The following COL25A1 variants were observed in gnomAD, a reference collection of about 807,000 sequenced individuals.
The protein encoded by COL25A1 is collagen type XXV alpha 1 chain, also known as collagen alpha-1(XXV) chain.
Under a neutral mutation model 128.4 loss-of-function variants are expected in COL25A1, and 103 were observed. The ratio of observed to expected loss-of-function variants is 0.80; its 90% CI spans 0.68 to 0.94. The LOEUF (loss-of-function observed/expected upper bound fraction) is 0.94, where lower values mean the gene tolerates loss of function less well. Among genes scored for constraint, COL25A1 ranks in the 40% least tolerant of loss-of-function variants. The probability of loss-of-function intolerance (pLI) is 0.00; values close to 1 mark genes in which losing one functional copy is unlikely to be tolerated. For missense variants in COL25A1, 745 were observed against 840.0 expected (o/e 0.89, Z 1.40); for synonymous variants, 279 against 277.2 (o/e 1.01, Z -0.06).
chr4:108,951,439 G>A (rs984692348), intron 8 of COL25A1, among the ~76,000 whole-genome samples: 2 of 149,280 alleles, frequency 1.3e-5, no homozygotes, highest in Non-Finnish European at 3.0e-5. Flanking sequence ...AGGCTGGAGT[G>A]CAGTGGTGCT....
At position 108,859,702 on chromosome 4, in the gene COL25A1, G is replaced by T; in HGVS notation, c.1274C>A (p.Ala425Asp). The T allele has an allele frequency of 6.2e-7, 1 of 1,613,892 alleles. No individual in the cohort carries two copies. Among genetic ancestry groups the T allele is most frequent in the South Asian group, 1.1e-5 (1 of 91,082 alleles). The change falls in exon 24 of 38, where the codon GCC (alanine) becomes GAC (aspartate). Residue 425 changes from alanine (A) to aspartate (D), a missense_variant. By Grantham distance (126) the Ala-to-Asp change is moderately radical. Around this residue, in one of 3 missense-constraint regions of COL25A1, gnomAD observed 387 missense variants for 441.9 expected, o/e 0.88. Transcript: ENST00000399132. ...GCCGTTGTAGTCTATGATCTCAGTG[G>T]CTCCTTGATCCCCTTTTTGACCAGG... ...GPPGQKGDQGATEIIDYNGNL... is the reference protein window; with the variant it reads ...GPPGQKGDQGDTEIIDYNGNL...
At chr4:109,020,593 G>C (rs77463595) in intron 5 of COL25A1, among the ~76,000 whole-genome samples, 21 of 150,874 alleles carry the variant, frequency 1.4e-4, no homozygotes, top group Admixed American at 4.6e-4. Flanking sequence ...ATATATAATT[G>C]TACTTAAAAA....
intron 3 of COL25A1, among the ~76,000 whole-genome samples, chr4:109,137,804 C>T (rs1393824337): frequency 2.6e-5 from 4 of 151,984 alleles, no homozygotes; most frequent in African/African-American, 9.7e-5. Context: ...GGTATAATTC[C>T]TCATCAGGTT....
At chr4:109,256,052 A>G (rs1293269309) in intron 3 of COL25A1, among the ~76,000 whole-genome samples, 3 of 149,870 alleles carry the variant, frequency 2.0e-5, no homozygotes, top group African/African-American at 7.6e-5. Context: ...CCACATGGAG[A>G]AACTACATGT....
At chr4:108,984,874 C>T (rs1419303370) in intron 6 of COL25A1, among the ~76,000 whole-genome samples, 2 of 152,232 alleles carry the variant, frequency 1.3e-5, no homozygotes, top group Non-Finnish European at 2.9e-5. Context: ...GCGCCAAGAG[C>T]CAGCGACGGC....
intron 6 of COL25A1, among the ~76,000 whole-genome samples, chr4:108,994,386 T>A (rs1754538703): frequency 6.6e-6 from 1 of 152,210 alleles, no homozygotes; most frequent in Non-Finnish European, 1.5e-5. Context: ...CCTGCGAGGC[T>A]GCAGCTTGAT....
intron 6 of COL25A1, among the ~76,000 whole-genome samples, chr4:108,996,863 C>G (rs976143618): frequency 2.0e-5 from 3 of 152,180 alleles, no homozygotes; most frequent in Admixed American, 1.3e-4. Context: ...GAACAACCTG[C>G]TCCTGAATGA....
chr4:109,221,122 G>T (rs1778380367), intron 3 of COL25A1, among the ~76,000 whole-genome samples: 1 of 128,416 alleles, frequency 7.8e-6, no homozygotes, highest in South Asian at 2.2e-4. Context: ...AAGATATTAA[G>T]TACTAAATTA....
Position 108,918,152 on chromosome 4 carries a change from C to A in COL25A1, c.780+20G>T. 6.6e-7 allele frequency: 1 copy of A among 1,521,962 alleles called. No individual in the cohort carries two copies. Among genetic ancestry groups the A allele is most frequent in the Non-Finnish European group, 9.0e-7 (1 of 1,116,528 alleles). The allele number at this position is 1,521,962 out of a possible 1,614,324, so 94.3% of individuals were successfully genotyped here. A position where few individuals can be genotyped will look rare whatever the true frequency, so the allele number is the denominator to read the frequency against. On this transcript the variant is annotated intron_variant, in intron 13 of 37. Coordinates refer to ENST00000399132, the MANE Select transcript of COL25A1 (RefSeq NM_198721.4). The stretch of plus-strand genomic sequence containing the variant: ...TGCTCACCAAATTATTTTTAAAATA[C>A]AATATTCTATAGAACTCACCTTTTG...
intron 3 of COL25A1, among the ~76,000 whole-genome samples, chr4:109,187,228 CAT>C (rs1578389409): frequency 1.9e-5 from 2 of 106,212 alleles, no homozygotes; most frequent in African/African-American, 3.6e-5. Flanking sequence ...CACACACACA[CAT>C]AATTAACTTT....
intron 11 of COL25A1, among the ~76,000 whole-genome samples, chr4:108,922,972 C>A (rs1408040567): frequency 6.6e-6 from 1 of 151,986 alleles, no homozygotes; most frequent in Non-Finnish European, 1.5e-5. Context: ...GGGAGGGATA[C>A]CTGGGATTAA....
intron 3 of COL25A1, among the ~76,000 whole-genome samples, chr4:109,115,403 A>T (rs888381365): frequency 6.6e-6 from 1 of 152,106 alleles, no homozygotes; most frequent in Admixed American, 6.6e-5. Context: ...AAGAGTCAAA[A>T]TGTAGGTTTT....
intron 8 of COL25A1, among the ~76,000 whole-genome samples, chr4:108,957,363 A>G (rs576299774): frequency 2.0e-4 from 30 of 152,090 alleles, no homozygotes; most frequent in Non-Finnish European, 3.4e-4. Flanking sequence ...CCACCACCAC[A>G]TGGTGTATTC....
At chr4:109,120,093 T>C (rs1307910553) in intron 3 of COL25A1, among the ~76,000 whole-genome samples, 1 of 152,064 alleles carries the variant, frequency 6.6e-6, no homozygotes, top group Non-Finnish European at 1.5e-5. Flanking sequence ...CACCCATTAA[T>C]GATAAAAACT....
chr4:109,143,376 ATG>A (rs1770621448), intron 3 of COL25A1, among the ~76,000 whole-genome samples: 1 of 151,826 alleles, frequency 6.6e-6, no homozygotes, highest in Admixed American at 6.6e-5. Flanking sequence ...TCTGATAATT[ATG>A]TGTCTTGGGG....
At chr4:109,025,055 T>C (rs1758126495) in intron 5 of COL25A1, among the ~76,000 whole-genome samples, 1 of 152,194 alleles carries the variant, frequency 6.6e-6, no homozygotes, top group Non-Finnish European at 1.5e-5. Context: ...GGGTTGTAAT[T>C]TAACTGCATT....
At chr4:109,076,610 G>A (rs926452493) in intron 3 of COL25A1, among the ~76,000 whole-genome samples, 1 of 152,064 alleles carries the variant, frequency 6.6e-6, no homozygotes, top group African/African-American at 2.4e-5. Context: ...GGCCAGGGGT[G>A]GTTTGGGGAT....
chr4:109,156,339 G>A (rs919583802), intron 3 of COL25A1, among the ~76,000 whole-genome samples: 5 of 152,150 alleles, frequency 3.3e-5, no homozygotes, highest in African/African-American at 1.2e-4. Flanking sequence ...ACCGAAAGCC[G>A]GCTTGATTTT....
rs1305341374 is a variant in COL25A1, at chr4:108,937,791, T to C, written c.708+17A>G. The C allele has an allele frequency of 6.3e-7, 1 of 1,597,490 alleles. No individual in the cohort carries two copies. Among genetic ancestry groups the C allele is most frequent in the Non-Finnish European group, 8.5e-7 (1 of 1,170,976 alleles). On this transcript the variant is annotated intron_variant, in intron 11 of 37. Coordinates refer to ENST00000399132, the MANE Select transcript of COL25A1 (RefSeq NM_198721.4). Reference sequence around the variant, plus strand: ...CAACCAGGCTTAGTATAGAAAAAGATAAACTGAGATACTTGCCATCAAGCC... The same window carrying C: ...CAACCAGGCTTAGTATAGAAAAAGACAAACTGAGATACTTGCCATCAAGCC...
Sources: allele counts gnomAD v4.1 joint callset (sites outside exome capture counted in the v4.1 genomes callset), GRCh38; gene constraint gnomAD v4.1.1; regional missense constraint gnomAD v4.1.1; transcripts MANE v1.5; gene names NCBI Gene and HGNC (gene_info 2026-07-23, HGNC 2026-07-21).